Variants in SOX5 observed in about 807,000 individuals in gnomAD.
SOX5 encodes the protein SRY-box transcription factor 5.
Under a neutral mutation model 92.0 loss-of-function variants are expected in SOX5, and 9 were observed. The ratio of observed to expected loss-of-function variants is 0.10; its 90% CI spans 0.06 to 0.17. The LOEUF is 0.17. Ranked by LOEUF, SOX5 falls within the 10% of genes least tolerant of loss-of-function variation. SOX5 has a pLI of 1.00. For missense variants in SOX5, 642 were observed against 944.5 expected (o/e 0.68, Z 4.20); for synonymous variants, 344 against 336.3 (o/e 1.02, Z -0.25).
chr12:23,778,350 C>T (rs562930076), intron 3 of SOX5, among the ~76,000 whole-genome samples: 10 of 152,148 alleles, frequency 6.6e-5, no homozygotes, highest in African/African-American at 1.9e-4. Context: ...CAGAGGAAAA[C>T]GAGGTTAAGT....
At chr12:23,940,571 T>A (rs1943432908) in intron 1 of SOX5, among the ~76,000 whole-genome samples, 1 of 151,352 alleles carries the variant, frequency 6.6e-6, no homozygotes, top group South Asian at 2.1e-4. Flanking sequence ...ATGCATACTC[T>A]TAAGAGTCAA....
At chr12:23,607,632 C>T (rs1592523743) in intron 8 of SOX5, among the ~76,000 whole-genome samples, 2 of 147,506 alleles carry the variant, frequency 1.4e-5, no homozygotes, top group Admixed American at 1.4e-4. Flanking sequence ...CAAAATCAAG[C>T]CTAATAACAG....
intron 7 of SOX5, among the ~76,000 whole-genome samples, chr12:23,663,925 A>AT (rs1731649075): frequency 6.6e-6 from 1 of 152,182 alleles, no homozygotes; most frequent in Non-Finnish European, 1.5e-5. Context: ...AGATGAATAA[A>AT]TTAAGAGTCC....
At chr12:23,712,451 A>T (rs1033653806) in intron 6 of SOX5, among the ~76,000 whole-genome samples, 1 of 152,234 alleles carries the variant, frequency 6.6e-6, no homozygotes, top group Non-Finnish European at 1.5e-5. Flanking sequence ...AGCTGTTAAG[A>T]GACTTCTATT....
intron 2 of SOX5, among the ~76,000 whole-genome samples, chr12:24,324,898 C>T (rs1950535998): frequency 6.6e-6 from 1 of 152,038 alleles, no homozygotes; most frequent in South Asian, 2.1e-4. Context: ...AGAAAACTTA[C>T]TGAATCTTTT....
chr12:24,250,462 C>T (rs1257878551), intron 3 of SOX5, among the ~76,000 whole-genome samples: 1 of 152,096 alleles, frequency 6.6e-6, no homozygotes, highest in African/African-American at 2.4e-5. Flanking sequence ...TCCATTAATA[C>T]CAGCAGGAGG....
chr12:24,100,818 C>T (rs756456419), intron 4 of SOX5, among the ~76,000 whole-genome samples: 3 of 152,084 alleles, frequency 2.0e-5, no homozygotes, highest in African/African-American at 7.2e-5. Flanking sequence ...TAAATGTCAT[C>T]TACATATGTC....
At position 24,283,948 on chromosome 12, in the gene SOX5, C is replaced by T. The variant is rs149209154; in HGVS notation, c.-173-6636G>A. Among the ~76,000 whole-genome samples the T allele has an allele frequency of 7.2e-4, 110 of 152,194 alleles. No individual in the cohort carries two copies. In the East Asian group the frequency reaches 0.017, roughly 24 times the overall value. On this transcript the variant is annotated intron_variant, in intron 2 of 4. Coordinates refer to the SOX5 transcript ENST00000446891. ...AGAGTTTGTCTGAAATTTCTAAGTA[C>T]TCATAGACTCTACTATGTAGAAGTC...
chr12:23,752,157 A>T (rs1048086194), intron 4 of SOX5, among the ~76,000 whole-genome samples: 1 of 147,492 alleles, frequency 6.8e-6, no homozygotes, highest in Non-Finnish European at 1.5e-5. Flanking sequence ...TTTTTGTTAA[A>T]TTCTAGCACT....
At chr12:24,237,272 T>C (rs1240155352) in intron 3 of SOX5, among the ~76,000 whole-genome samples, 1 of 152,206 alleles carries the variant, frequency 6.6e-6, no homozygotes, top group Non-Finnish European at 1.5e-5. Context: ...AGAGATGCCC[T>C]GAGTCCTGCT....
At chr12:23,560,732 G>A (rs907335318) in intron 11 of SOX5, among the ~76,000 whole-genome samples, 1 of 152,224 alleles carries the variant, frequency 6.6e-6, no homozygotes, top group Non-Finnish European at 1.5e-5. Flanking sequence ...AGATGTAAGT[G>A]TGACATTATT....
chr12:24,062,417 A>G (rs1939905064), intron 4 of SOX5, among the ~76,000 whole-genome samples: 1 of 152,248 alleles, frequency 6.6e-6, no homozygotes, highest in South Asian at 2.1e-4. Context: ...TTTGCCGAAA[A>G]GAAATTCACT....
At position 24,428,726 on chromosome 12, in the gene SOX5, C is replaced by CAAAAAAAAAAAAAAAAAAAAAAAAAAAAA. The variant is rs57964050; in HGVS notation, c.-250-60116_-250-60088dup. ...GGCAACAGAGTGAGACTCTGTTTCTCAAAAAAAAAAAAAAAAAAAAAAAAA... is the reference window on the plus strand; with the variant it reads ...GGCAACAGAGTGAGACTCTGTTTCTCAAAAAAAAAAAAAAAAAAAAAAAAAAAAAAAAAAAAAAAAAAAAAAAAAAAAAA... On this transcript the variant is annotated intron_variant, in intron 1 of 4. Coordinates refer to the SOX5 transcript ENST00000446891. 4.9e-4 allele frequency among the ~76,000 whole-genome samples: 16 copies of CAAAAAAAAAAAAAAAAAAAAAAAAAAAAA among 32,596 alleles called. 3 individuals are homozygous for CAAAAAAAAAAAAAAAAAAAAAAAAAAAAA. Among genetic ancestry groups the CAAAAAAAAAAAAAAAAAAAAAAAAAAAAA allele is most frequent in the Admixed American group, 5.8e-4 (1 of 1,716 alleles). 21.4% of individuals were successfully genotyped at this position (32,596 alleles called of 152,430 possible).
At chr12:24,468,154 A>G (rs1944423734) in intron 1 of SOX5, among the ~76,000 whole-genome samples, 1 of 152,220 alleles carries the variant, frequency 6.6e-6, no homozygotes, top group Non-Finnish European at 1.5e-5. Flanking sequence ...TGAAAGGCAC[A>G]AAACATCATG....
At chr12:24,289,974 G>A (rs1299267495) in intron 2 of SOX5, among the ~76,000 whole-genome samples, 1 of 152,130 alleles carries the variant, frequency 6.6e-6, no homozygotes, top group African/African-American at 2.4e-5. Flanking sequence ...ATCACCATGT[G>A]GGAATCAGGG....
chr12:23,925,528 T>C (rs1042683989), intron 1 of SOX5, among the ~76,000 whole-genome samples: 16 of 152,026 alleles, frequency 1.1e-4, no homozygotes, highest in African/African-American at 3.9e-4. Flanking sequence ...CATCACAAGG[T>C]CAAGTTAAAT....
intron 3 of SOX5, among the ~76,000 whole-genome samples, chr12:24,252,303 C>T (rs567507191): frequency 2.7e-4 from 41 of 152,232 alleles, no homozygotes; most frequent in South Asian, 1.7e-3. Flanking sequence ...CAAAGACCTA[C>T]GAAATTTTAC....
intron 2 of SOX5, among the ~76,000 whole-genome samples, chr12:24,330,534 C>A (rs1951188288): frequency 6.6e-6 from 1 of 152,170 alleles, no homozygotes; most frequent in South Asian, 2.1e-4. Context: ...TCCTTGACAA[C>A]CCTCAATAAT....
In SOX5 at chr12:23,841,834, A is replaced by C. The variant is rs1274526688; in HGVS notation, c.481+4149T>G. Among the ~76,000 whole-genome samples, 5 of 152,242 alleles carry C rather than the reference A, an allele frequency of 3.3e-5. No individual in the cohort carries two copies. The East Asian group carries it at 9.7e-4, about 29-fold the overall frequency. ...GAAACAGGATAGTTTGGAGTGGTGA[A>C]GGCTATTCTACATGATACTGTCAGT... On this transcript the variant is annotated intron_variant, in intron 3 of 14. Coordinates refer to ENST00000451604, the MANE Select transcript of SOX5 (RefSeq NM_006940.6).
Sources: gnomAD v4.1 joint callset for allele counts (sites outside exome capture counted in the v4.1 genomes callset) on GRCh38, gnomAD v4.1.1 for gene constraint, MANE v1.5 for transcripts, NCBI Gene and HGNC (gene_info 2026-07-23, HGNC 2026-07-21) for gene names.